The following SAMMSON variants were observed in gnomAD, a reference collection of about 807,000 sequenced individuals.
The protein encoded by SAMMSON is long intergenic non-protein coding RNA 1212.
chr3:70,053,203 C>T (rs2067152799), intron 3 of SAMMSON, among the ~76,000 whole-genome samples: 1 of 152,106 alleles, frequency 6.6e-6, no homozygotes, highest in African/African-American at 2.4e-5. Context: ...ATGCTGAAGT[C>T]TAGATCAAAG....
chr3:70,136,395 G>A (rs192292359), intron 4 of SAMMSON, among the ~76,000 whole-genome samples: 1 of 152,168 alleles, frequency 6.6e-6, no homozygotes, highest in Non-Finnish European at 1.5e-5. Flanking sequence ...ATCTATGGAG[G>A]GGTTCATGTG....
chr3:70,313,021 T>C (rs1235510135), intron 7 of SAMMSON, among the ~76,000 whole-genome samples: 2 of 152,174 alleles, frequency 1.3e-5, no homozygotes, highest in Non-Finnish European at 2.9e-5. Flanking sequence ...CTGTAGTTGA[T>C]AGTTTGAAAA....
intron 2 of SAMMSON, among the ~76,000 whole-genome samples, chr3:70,414,028 A>AATAT: frequency 6.6e-6 from 1 of 152,256 alleles, no homozygotes; most frequent in East Asian, 1.9e-4. Context: ...TTTGTAGAAA[A>AATAT]GAGCTTAATA....
chr3:70,394,984 A>G (rs1701079209), intron 2 of SAMMSON, among the ~76,000 whole-genome samples: 1 of 152,174 alleles, frequency 6.6e-6, no homozygotes, highest in Non-Finnish European at 1.5e-5. Context: ...AATATTTTTT[A>G]TCTTGAAAGC....
At chr3:70,308,787 T>A (rs369315186) in intron 7 of SAMMSON, among the ~76,000 whole-genome samples, 2 of 152,262 alleles carry the variant, frequency 1.3e-5, no homozygotes, top group East Asian at 3.9e-4. Context: ...TTAGAAATAA[T>A]AGCAGTACTC....
intron 7 of SAMMSON, among the ~76,000 whole-genome samples, chr3:70,352,527 G>C (rs1440392585): frequency 6.6e-6 from 1 of 151,998 alleles, no homozygotes; most frequent in African/African-American, 2.4e-5. Context: ...TCTCTAAACA[G>C]AAAGAAAACA....
At chr3:70,348,288 T>C (rs1181705632) in intron 7 of SAMMSON, among the ~76,000 whole-genome samples, 3 of 152,120 alleles carry the variant, frequency 2.0e-5, no homozygotes, top group Non-Finnish European at 4.4e-5. Flanking sequence ...ACAGAGGGAA[T>C]AACCAGGGCA....
chr3:70,389,826 T>C (rs1701029988), exon 10 of SAMMSON: 3 of 152,118 alleles, frequency 2.0e-5, no homozygotes, highest in Admixed American at 6.6e-5. Flanking sequence ...ATTTGCGATT[T>C]GGTAGATAGT....
intron 3 of SAMMSON, among the ~76,000 whole-genome samples, chr3:70,016,443 T>A (rs908939389): frequency 4.5e-4 from 69 of 152,344 alleles, no homozygotes; most frequent in African/African-American, 1.5e-3. Context: ...GTTTGTTTTT[T>A]TCGTGTAACT....
At chr3:70,296,478 T>C (rs187186233) in intron 7 of SAMMSON, among the ~76,000 whole-genome samples, 7 of 152,262 alleles carry the variant, frequency 4.6e-5, no homozygotes, top group East Asian at 1.9e-4. Context: ...CACCGTGACA[T>C]TGGTTAACAT....
At chr3:70,186,871 A>G (rs761742725) in intron 4 of SAMMSON, among the ~76,000 whole-genome samples, 25 of 152,238 alleles carry the variant, frequency 1.6e-4, no homozygotes, top group Non-Finnish European at 2.5e-4. Context: ...GGGAAGCCCC[A>G]TGACATGTCT....
chr3:70,401,210 A>G (rs1701137434), intron 2 of SAMMSON, among the ~76,000 whole-genome samples: 1 of 151,942 alleles, frequency 6.6e-6, no homozygotes. Flanking sequence ...TAGACTCCAC[A>G]TTAACAGAGG....
chr3:70,313,636 G>A (rs1401289071), intron 7 of SAMMSON, among the ~76,000 whole-genome samples: 3 of 151,962 alleles, frequency 2.0e-5, no homozygotes, highest in Non-Finnish European at 4.4e-5. Flanking sequence ...TTTATTTTTT[G>A]TCTCAAGGTG....
intron 4 of SAMMSON, among the ~76,000 whole-genome samples, chr3:70,181,799 G>GTTCTTCCT (rs1553643713): frequency 1.3e-5 from 2 of 152,150 alleles, no homozygotes; most frequent in Non-Finnish European, 2.9e-5. Context: ...CATTTTGGGT[G>GTTCTTCCT]TTCTTCCTTT....
chr3:70,267,974 C>G (rs956922622), intron 6 of SAMMSON, among the ~76,000 whole-genome samples: 3 of 151,320 alleles, frequency 2.0e-5, no homozygotes, highest in Non-Finnish European at 4.4e-5. Context: ...CTTTCGCCTC[C>G]CCTTTCGCCT....
At chr3:70,320,718 G>A (rs544563715) in intron 7 of SAMMSON, among the ~76,000 whole-genome samples, 2 of 152,152 alleles carry the variant, frequency 1.3e-5, no homozygotes, top group East Asian at 1.9e-4. Context: ...TCCGAAATGG[G>A]TCATTCAAGC....
intron 3 of SAMMSON, among the ~76,000 whole-genome samples, chr3:70,033,388 C>T (rs2067072499): frequency 6.6e-6 from 1 of 151,832 alleles, no homozygotes; most frequent in Non-Finnish European, 1.5e-5. Context: ...GGGATTTGTT[C>T]ATGGTGTATG....
At chr3:70,214,299 G>A (rs903850106) in intron 4 of SAMMSON, among the ~76,000 whole-genome samples, 19 of 152,038 alleles carry the variant, frequency 1.2e-4, no homozygotes, top group South Asian at 4.1e-4. Flanking sequence ...CGTATAAATC[G>A]TTGTTTTGAT....
intron 4 of SAMMSON, among the ~76,000 whole-genome samples, chr3:70,171,499 A>G (rs1018077061): frequency 1.3e-5 from 2 of 151,940 alleles, no homozygotes; most frequent in African/African-American, 4.8e-5. Flanking sequence ...AAATAAAAAT[A>G]CATTTTCAAA....
Sources: allele counts gnomAD v4.1 joint callset (sites outside exome capture counted in the v4.1 genomes callset), GRCh38; gene constraint gnomAD v4.1.1; transcripts MANE v1.5; gene names NCBI Gene and HGNC (gene_info 2026-07-23, HGNC 2026-07-21).